FAP: variants seen among roughly 807,000 people sequenced by gnomAD.
The protein encoded by FAP is fibroblast activation protein alpha.
A neutral mutation model predicts 126.5 loss-of-function variants in FAP; 110 were observed. The observed-to-expected ratio is 0.87, with a 90% CI of 0.74 to 1.02. The LOEUF (loss-of-function observed/expected upper bound fraction) is 1.02, where lower values mean the gene tolerates loss of function less well. Ranked by LOEUF, FAP falls within the 50% of genes least tolerant of loss-of-function variation. FAP has a pLI of 0.00. For missense variants in FAP, 919 were observed against 909.2 expected (o/e 1.01, Z -0.14); for synonymous variants, 334 against 297.3 (o/e 1.12, Z -1.27).
At position 162,198,873 on chromosome 2, in the gene FAP, A is replaced by T; in HGVS notation, c.1286T>A (p.Ile429Asn). The change falls in exon 16 of 26, where the codon ATT becomes AAT. Residue 429 changes from isoleucine to asparagine, a missense_variant. Ile to Asn is a moderately radical substitution (Grantham distance 149, BLOSUM62 -3). Transcript: ENST00000188790. ...CTTCTTGCTTGGAGGATAGCTTCCA[A>T]TGCTAATTCTAGAGGGAAATGAAAA... ...PGRRNIYRIS[I>N]GSYPPSKKCV... 1.2e-6 allele frequency: 2 copies of T among 1,613,754 alleles called. No individual in the cohort carries two copies. Among genetic ancestry groups the T allele is most frequent in the Admixed American group, 3.3e-5 (2 of 60,010 alleles).
At chr2:162,208,149 A>AG (rs1688784060) in intron 12 of FAP, among the ~76,000 whole-genome samples, 1 of 151,332 alleles carries the variant, frequency 6.6e-6, no homozygotes, top group Non-Finnish European at 1.5e-5. Context: ...CCGGCTACTA[A>AG]GGAGGCTGAG....
intron 2 of FAP, among the ~76,000 whole-genome samples, chr2:162,227,404 C>T (rs1689701382): frequency 6.6e-6 from 1 of 152,076 alleles, no homozygotes; most frequent in African/African-American, 2.4e-5. Context: ...ATTCTCAGAA[C>T]AAACATTCAT....
rs111721830 is a variant in FAP, at chr2:162,243,086, G to T, written c.7-94C>A. The T allele has an allele frequency of 1.6e-5, 16 of 1,008,384 alleles. 1 individual carries two copies. The South Asian group carries it at 1.9e-4, about 12-fold the overall frequency. 62.5% of individuals were successfully genotyped at this position (1,008,384 alleles called of 1,614,324 possible). Reference sequence around the variant, plus strand: ...TTTACACCTAAATCCTTTTTCTCTCGCCCCACAAAGCTTTTGATTGTTTTC... The same window carrying T: ...TTTACACCTAAATCCTTTTTCTCTCTCCCCACAAAGCTTTTGATTGTTTTC... On this transcript the variant is annotated intron_variant, in intron 1 of 25. Transcript: ENST00000188790.
intron 20 of FAP, among the ~76,000 whole-genome samples, chr2:162,186,035 G>A (rs1260909565): frequency 3.9e-5 from 6 of 152,170 alleles, no homozygotes; most frequent in South Asian, 2.1e-4. Context: ...ATGGGGCCAC[G>A]CAGCTGCCCA....
At chr2:162,228,187 G>T (rs1049605789) in intron 2 of FAP, among the ~76,000 whole-genome samples, 2 of 152,112 alleles carry the variant, frequency 1.3e-5, no homozygotes, top group Non-Finnish European at 2.9e-5. Flanking sequence ...TGGATGGCTG[G>T]TTGGGTGGCT....
At chr2:162,230,921 G>A (rs1476808497) in intron 2 of FAP, among the ~76,000 whole-genome samples, 3 of 152,166 alleles carry the variant, frequency 2.0e-5, no homozygotes, top group Non-Finnish European at 4.4e-5. Flanking sequence ...CTCACGGTAG[G>A]TGGGTGAGGC....
At chr2:162,190,725 T>C (rs896832069) in intron 17 of FAP, among the ~76,000 whole-genome samples, 2 of 152,090 alleles carry the variant, frequency 1.3e-5, no homozygotes, top group African/African-American at 4.8e-5. Flanking sequence ...TATCTATTGC[T>C]ACAAAAGATG....
At chr2:162,205,034 G>A (rs562561816) in intron 12 of FAP, among the ~76,000 whole-genome samples, 13 of 152,226 alleles carry the variant, frequency 8.5e-5, no homozygotes, top group African/African-American at 1.7e-4. Context: ...CAATGAGGCC[G>A]ACTCCTAGTG....
chr2:162,198,701 G>A, intron 16 of FAP, 56 bp downstream of exon 16: 4 of 1,599,380 alleles, frequency 2.5e-6, no homozygotes, highest in East Asian at 2.2e-5. Flanking sequence ...TAGAGGTGAG[G>A]AGGATGACAA....
At chr2:162,194,106 T>G (rs1688150028) in intron 17 of FAP, 1 of 152,398 alleles carries the variant, frequency 6.6e-6, no homozygotes, top group South Asian at 2.1e-4. Flanking sequence ...AGAGGAGGAC[T>G]GTCTTGATAG....
intron 9 of FAP, among the ~76,000 whole-genome samples, chr2:162,217,210 C>T (rs932103281): frequency 6.6e-6 from 1 of 152,216 alleles, no homozygotes; most frequent in African/African-American, 2.4e-5. Context: ...TGTGTCCAGC[C>T]ACGACAATAT....
At chr2:162,211,245 T>A (rs1688921489) in intron 11 of FAP, among the ~76,000 whole-genome samples, 1 of 152,160 alleles carries the variant, frequency 6.6e-6, no homozygotes, top group Non-Finnish European at 1.5e-5. Flanking sequence ...GGAAGCTAGT[T>A]AGCAGAAATG....
intron 25 of FAP, 137 bp from the exon 26 acceptor site, chr2:162,171,217 A>C (rs1169488473): frequency 1.0e-5 from 6 of 602,760 alleles, no homozygotes; most frequent in Non-Finnish European, 1.8e-5. Flanking sequence ...AATAAGTAAA[A>C]TAGCTTACAT....
rs757944497 is a variant in FAP at position 162,242,968 on chromosome 2, C to T, written c.31G>A (p.Val11Ile). MKTWVKIVFG[V>I]ATSAVLALLV... is the part of the protein sequence containing the mutation. ...AAGGCAAGCACAGCAGAGGTGGCAA[C>T]TCCAAATACGATTTTTACCCAAGTC... Residue 11 changes from valine to isoleucine, a missense_variant, in exon 2 of 26, where the codon GTT (valine) becomes ATT (isoleucine). Physicochemically the swap from Val to Ile is conservative, Grantham distance 29. Coordinates refer to ENST00000188790, the MANE Select transcript of FAP (RefSeq NM_004460.5). The T allele has an allele frequency of 1.2e-6, 2 of 1,612,932 alleles. No homozygotes were observed. The highest frequency in any genetic ancestry group is 4.5e-5 in the East Asian group (2 of 44,860).
chr2:162,186,973 T>C (rs566521710), intron 20 of FAP, among the ~76,000 whole-genome samples: 2 of 152,136 alleles, frequency 1.3e-5, no homozygotes, highest in African/African-American at 2.4e-5. Context: ...AGAAATTGAG[T>C]GATAGCTACA....
chr2:162,202,737 G>T, intron 14 of FAP, 135 bp downstream of exon 14: 3 of 547,040 alleles, frequency 5.5e-6, no homozygotes, highest in East Asian at 3.0e-5. Flanking sequence ...ATGTGCAATC[G>T]TAAATGAACT....
intron 16 of FAP, among the ~76,000 whole-genome samples, chr2:162,195,780 C>G (rs1460164462): frequency 1.3e-5 from 2 of 152,148 alleles, no homozygotes; most frequent in East Asian, 3.9e-4. Flanking sequence ...GGAAATATAC[C>G]TTTTAAGCAT....
chr2:162,194,465 A>G (rs1688165321), intron 17 of FAP, among the ~76,000 whole-genome samples: 1 of 152,184 alleles, frequency 6.6e-6, no homozygotes. Flanking sequence ...ACCCTCTGAT[A>G]TAACTCATCT....
At chr2:162,187,763 C>T (rs554009864) in intron 20 of FAP, among the ~76,000 whole-genome samples, 1 of 152,188 alleles carries the variant, frequency 6.6e-6, no homozygotes, top group Non-Finnish European at 1.5e-5. Context: ...GTATGTAGTG[C>T]TGATAAAATC....
Sources: gnomAD v4.1 joint callset for allele counts (sites outside exome capture counted in the v4.1 genomes callset) on GRCh38, gnomAD v4.1.1 for gene constraint, MANE v1.5 for transcripts, NCBI Gene and HGNC (gene_info 2026-07-23, HGNC 2026-07-21) for gene names.